The following DDAH1 variants were observed in gnomAD, a reference collection of about 807,000 sequenced individuals.
The protein encoded by DDAH1 is N(G),N(G)-dimethylarginine dimethylaminohydrolase 1.
Under a neutral mutation model 28.8 loss-of-function variants are expected in DDAH1, and 19 were observed. That is an observed-to-expected ratio of 0.66 (90% CI 0.46 to 0.97). The LOEUF (loss-of-function observed/expected upper bound fraction) is 0.97, where lower values mean the gene tolerates loss of function less well. DDAH1 is among the 50% of genes least tolerant of loss of function. The pLI is 0.00. For missense variants in DDAH1, 326 were observed against 375.9 expected (o/e 0.87, Z 1.10); for synonymous variants, 153 against 154.4 (o/e 0.99, Z 0.07).
chr1:85,511,768 G>T (rs1056652035), intron 1 of DDAH1, among the ~76,000 whole-genome samples: 3 of 152,032 alleles, frequency 2.0e-5, no homozygotes, highest in Non-Finnish European at 4.4e-5. Flanking sequence ...ATAAATTCCT[G>T]GACACATACA....
At chr1:85,430,097 A>G (rs937873336) in intron 1 of DDAH1, among the ~76,000 whole-genome samples, 3 of 152,174 alleles carry the variant, frequency 2.0e-5, no homozygotes, top group African/African-American at 7.2e-5. Flanking sequence ...GAAGGGACCC[A>G]GTTTCAGTTT....
At chr1:85,394,519 T>C (rs1228476087) in intron 1 of DDAH1, among the ~76,000 whole-genome samples, 3 of 152,208 alleles carry the variant, frequency 2.0e-5, no homozygotes, top group African/African-American at 7.2e-5. Flanking sequence ...TCAAATACCT[T>C]TCAGTTCATG....
chr1:85,416,576 A>C (rs1652896608), intron 1 of DDAH1, among the ~76,000 whole-genome samples: 1 of 152,220 alleles, frequency 6.6e-6, no homozygotes, highest in Admixed American at 6.5e-5. Context: ...AGTTATTTTA[A>C]AAACAGTTGT....
At chr1:85,574,803 T>A (rs941299238) in intron 1 of DDAH1, among the ~76,000 whole-genome samples, 43 of 152,106 alleles carry the variant, frequency 2.8e-4, no homozygotes, top group African/African-American at 9.2e-4. Context: ...CCCAGCACTT[T>A]GGGAGGCCGA....
intron 1 of DDAH1, among the ~76,000 whole-genome samples, chr1:85,374,914 A>G (rs1298678274): frequency 6.6e-6 from 1 of 152,160 alleles, no homozygotes; most frequent in African/African-American, 2.4e-5. Context: ...AGCTCCTTGT[A>G]TTGAATTTTA....
At chr1:85,446,731 A>G (rs1654443737) in intron 1 of DDAH1, among the ~76,000 whole-genome samples, 1 of 151,436 alleles carries the variant, frequency 6.6e-6, no homozygotes, top group Admixed American at 6.6e-5. Context: ...CCCTCCCCCA[A>G]TCCTCTAGCA....
intron 1 of DDAH1, among the ~76,000 whole-genome samples, chr1:85,566,345 A>G (rs1459978166): frequency 6.6e-6 from 1 of 151,882 alleles, no homozygotes; most frequent in Non-Finnish European, 1.5e-5. Context: ...ACAAAAAATT[A>G]TCTGGGTGTG....
intron 1 of DDAH1, among the ~76,000 whole-genome samples, chr1:85,516,042 C>T (rs71502514): frequency 0.036 from 5,394 of 151,768 alleles, 134 homozygotes; most frequent in East Asian, 0.076. Context: ...TGTTTGTGTC[C>T]TAATCCACTT....
At position 85,374,682 on chromosome 1, in the gene DDAH1, C is replaced by T. The variant is rs976341015; in HGVS notation, c.304-15835G>A. Among the ~76,000 whole-genome samples, 6 of 150,980 alleles carry T rather than the reference C, an allele frequency of 4.0e-5. No individual in the cohort carries two copies. The East Asian group carries it at 1.2e-3, about 29-fold the overall frequency. On this transcript the variant is annotated intron_variant, in intron 1 of 5. Transcript: ENST00000284031. ...CTATCACACAAACTTCAACACATTCCTATTAAGTATTTTTATGAGAATTTT... is the reference window on the plus strand; with the variant it reads ...CTATCACACAAACTTCAACACATTCTTATTAAGTATTTTTATGAGAATTTT...
chr1:85,325,095 C>T (rs1214531403), intron 4 of DDAH1, among the ~76,000 whole-genome samples: 3 of 150,584 alleles, frequency 2.0e-5, no homozygotes, highest in Non-Finnish European at 1.5e-5. Context: ...GTTTTTGTTG[C>T]TCTTTAAAAG....
At chr1:85,514,735 A>G (rs1451986069) in intron 1 of DDAH1, among the ~76,000 whole-genome samples, 7 of 151,812 alleles carry the variant, frequency 4.6e-5, no homozygotes, top group Non-Finnish European at 8.8e-5. Context: ...AAACTGTCCA[A>G]ACTTTGGCTA....
chr1:85,456,345 T>C (rs575871428), intron 1 of DDAH1, among the ~76,000 whole-genome samples: 1 of 152,378 alleles, frequency 6.6e-6, no homozygotes, highest in South Asian at 2.1e-4. Context: ...TTTTGTCTTA[T>C]TTGTCATTGA....
intron 1 of DDAH1, among the ~76,000 whole-genome samples, chr1:85,367,195 C>T (rs1005002746): frequency 1.3e-5 from 2 of 152,100 alleles, no homozygotes; most frequent in Admixed American, 6.5e-5. Flanking sequence ...TTCCCATGAT[C>T]GATCTTAACC....
At chr1:85,404,944 C>G (rs1652337326) in intron 1 of DDAH1, among the ~76,000 whole-genome samples, 1 of 152,128 alleles carries the variant, frequency 6.6e-6, no homozygotes, top group Admixed American at 6.5e-5. Context: ...TTTTGTTTTG[C>G]TTCATTTTTG....
intron 4 of DDAH1, among the ~76,000 whole-genome samples, chr1:85,331,978 G>C (rs183518013): frequency 6.6e-6 from 1 of 152,310 alleles, no homozygotes; most frequent in East Asian, 1.9e-4. Flanking sequence ...GAAAGGGTAA[G>C]TGAGAGATTC....
At chr1:85,457,988 C>A (rs1654970543) in intron 1 of DDAH1, among the ~76,000 whole-genome samples, 1 of 148,586 alleles carries the variant, frequency 6.7e-6, no homozygotes, top group African/African-American at 2.5e-5. Context: ...CACACCCAGC[C>A]CAAAACGTCT....
chr1:85,473,174 A>G (rs752763506), intron 2 of DDAH1, among the ~76,000 whole-genome samples: 1 of 152,220 alleles, frequency 6.6e-6, no homozygotes, highest in African/African-American at 2.4e-5. Context: ...GAGTAGTGCT[A>G]TGATAAATAT....
At chr1:85,454,600 A>G (rs1654805077) in intron 1 of DDAH1, among the ~76,000 whole-genome samples, 1 of 152,188 alleles carries the variant, frequency 6.6e-6, no homozygotes, top group Non-Finnish European at 1.5e-5. Context: ...TTATTTACCT[A>G]ATCAGTATAC....
chr1:85,468,996 A>C (rs184370819), upstream of DDAH1, among the ~76,000 whole-genome samples: 2 of 152,320 alleles, frequency 1.3e-5, no homozygotes, highest in East Asian at 3.9e-4. Context: ...CAGTCAAACC[A>C]TATCACTCAC....
Sources: gnomAD v4.1 joint callset for allele counts (sites outside exome capture counted in the v4.1 genomes callset) on GRCh38, gnomAD v4.1.1 for gene constraint, MANE v1.5 for transcripts, NCBI Gene and HGNC (gene_info 2026-07-23, HGNC 2026-07-21) for gene names.